MDFIC: variants seen among roughly 807,000 people sequenced by gnomAD.
MDFIC encodes MyoD family inhibitor domain containing.
A neutral mutation model predicts 23.2 loss-of-function variants in MDFIC; 17 were observed. The observed-to-expected ratio is 0.73, with a 90% CI of 0.50 to 1.10. MDFIC has a LOEUF of 1.10. Ranked by LOEUF, MDFIC falls within the 50% of genes least tolerant of loss-of-function variation. The probability of loss-of-function intolerance (pLI) is 0.00; values close to 1 mark genes in which losing one functional copy is unlikely to be tolerated. For missense variants in MDFIC, 356 were observed against 316.6 expected (o/e 1.12, Z -0.95); for synonymous variants, 120 against 115.2 (o/e 1.04, Z -0.27).
Position 115,008,209 on chromosome 7 carries a change from C to T in MDFIC, c.494-7479C>T, listed in dbSNP as rs543448057. Among the ~76,000 whole-genome samples the T allele has an allele frequency of 5.3e-5, 8 of 151,858 alleles. No homozygotes were observed. The South Asian group carries it at 1.7e-3, about 32-fold the overall frequency. The stretch of plus-strand genomic sequence containing the variant: ...TGTCATTTAAAATATGAAAGCAACT[C>T]CCATAGGATGGAGATGGAGTCTAGG... On this transcript the variant is annotated intron_variant, in intron 4 of 4. Transcript: ENST00000393486.
At chr7:114,951,206 G>A (rs1453811372) in intron 3 of MDFIC, among the ~76,000 whole-genome samples, 1 of 149,746 alleles carries the variant, frequency 6.7e-6, no homozygotes, top group African/African-American at 2.5e-5. Flanking sequence ...AGAAAAGAAA[G>A]ACAAATGGTT....
chr7:114,946,791 A>G (rs1276096915), intron 3 of MDFIC, among the ~76,000 whole-genome samples: 1 of 152,134 alleles, frequency 6.6e-6, no homozygotes, highest in Non-Finnish European at 1.5e-5. Flanking sequence ...TTGCTGCTTG[A>G]AACCTTTCTC....
Position 114,923,671 on chromosome 7 carries a change from G to C in MDFIC, c.94+544G>C, listed in dbSNP as rs1792136320. On this transcript the variant is annotated intron_variant, in intron 2 of 4. Coordinates refer to ENST00000393486, the MANE Select transcript of MDFIC (RefSeq NM_001166345.3). ...TTTATAAGAAACACTTTCCAAGAAT[G>C]AATTAGCTTCTTTGTGTTCTTCCAA... 3 of 1,410,646 alleles carry C rather than the reference G, an allele frequency of 2.1e-6. No homozygotes were observed. The African/African-American group carries it at 4.3e-5, about 20-fold the overall frequency. The allele number at this position is 1,410,646 out of a possible 1,614,324, so 87.4% of individuals were successfully genotyped here. A position where few individuals can be genotyped will look rare whatever the true frequency, so the allele number is the denominator to read the frequency against.
chr7:114,935,810 C>T (rs909776415), intron 2 of MDFIC, among the ~76,000 whole-genome samples: 1 of 151,988 alleles, frequency 6.6e-6, no homozygotes, highest in African/African-American at 2.4e-5. Flanking sequence ...TACAGCTACT[C>T]AGAGGAAACA....
Position 115,016,043 on chromosome 7 carries a change from T to A in MDFIC, c.*108T>A. 1 of 1,117,218 alleles carries A rather than the reference T, an allele frequency of 9.0e-7. No homozygotes were observed. The highest frequency in any genetic ancestry group is 1.3e-6 in the Non-Finnish European group (1 of 784,904). 69.2% of individuals were successfully genotyped at this position (1,117,218 alleles called of 1,614,324 possible). The stretch of plus-strand genomic sequence containing the variant: ...TCATGAAACAACATGGAATTTGCAC[T>A]GTTAACTCATTATTGTAAGTAATCT... On this transcript the variant is annotated 3_prime_UTR_variant, in exon 5 of 5. Coordinates refer to ENST00000393486, the MANE Select transcript of MDFIC (RefSeq NM_001166345.3).
intron 2 of MDFIC, among the ~76,000 whole-genome samples, chr7:114,936,322 G>A (rs780881327): frequency 5.9e-5 from 9 of 152,168 alleles, no homozygotes; most frequent in Non-Finnish European, 8.8e-5. Context: ...TTGGAAAACT[G>A]TGGCATGTAC....
chr7:114,960,519 T>C (rs965089904), intron 3 of MDFIC, among the ~76,000 whole-genome samples: 1 of 152,142 alleles, frequency 6.6e-6, no homozygotes, highest in African/African-American at 2.4e-5. Flanking sequence ...AAGGGATTTC[T>C]ACATATGAGG....
At chr7:114,945,795 A>G (rs1307534751) in intron 3 of MDFIC, among the ~76,000 whole-genome samples, 1 of 152,210 alleles carries the variant, frequency 6.6e-6, no homozygotes, top group Non-Finnish European at 1.5e-5. Context: ...GTTTTATGAA[A>G]AAAGTTTATA....
In MDFIC at chr7:114,934,530, C is replaced by T. The variant is rs548802654; in HGVS notation, c.95-7745C>T. ...CTCCATTCCTTTCACCTATCCCAAA[C>T]CTATAAAGTGATTGAGTCAGTATCA... On this transcript the variant is annotated intron_variant, in intron 2 of 4. Transcript: ENST00000393486. Among the ~76,000 whole-genome samples, 3 of 152,264 alleles carry T rather than the reference C, an allele frequency of 2.0e-5. No individual in the cohort carries two copies. In the South Asian group the frequency reaches 6.2e-4, roughly 32 times the overall value.
intron 4 of MDFIC, among the ~76,000 whole-genome samples, chr7:114,985,157 C>G (rs1039045511): frequency 1.3e-5 from 2 of 152,150 alleles, no homozygotes; most frequent in African/African-American, 2.4e-5. Context: ...TACTTAGCCT[C>G]TTTTTGCATC....
intron 4 of MDFIC, among the ~76,000 whole-genome samples, chr7:114,997,419 T>A (rs938764281): frequency 1.1e-4 from 16 of 151,434 alleles, no homozygotes; most frequent in Middle Eastern, 3.2e-3. Context: ...TGTGTGTGTG[T>A]GTGTGTGCGC....
chr7:114,926,514 C>T (rs921729161), intron 2 of MDFIC, among the ~76,000 whole-genome samples: 4 of 152,142 alleles, frequency 2.6e-5, no homozygotes, highest in Admixed American at 6.5e-5. Context: ...CCCCAACCCC[C>T]CAAGACATTG....
At chr7:115,008,986 T>C (rs1791626669) in intron 4 of MDFIC, among the ~76,000 whole-genome samples, 1 of 152,188 alleles carries the variant, frequency 6.6e-6, no homozygotes, top group Non-Finnish European at 1.5e-5. Context: ...TCTGTGGCGT[T>C]GATGTTAAAG....
At chr7:114,933,109 G>A (rs892025928) in intron 2 of MDFIC, among the ~76,000 whole-genome samples, 1 of 152,136 alleles carries the variant, frequency 6.6e-6, no homozygotes, top group Admixed American at 6.5e-5. Flanking sequence ...GACTAAAAAT[G>A]TTCTTCATAA....
intron 2 of MDFIC, among the ~76,000 whole-genome samples, chr7:114,938,979 T>C (rs560580847): frequency 1.3e-5 from 2 of 152,328 alleles, no homozygotes; most frequent in South Asian, 2.1e-4. Flanking sequence ...ACTCAACCAA[T>C]TGAAAGCTTT....
At chr7:114,924,325 T>C (rs1195663631) in intron 2 of MDFIC, among the ~76,000 whole-genome samples, 3 of 152,234 alleles carry the variant, frequency 2.0e-5, no homozygotes, top group Admixed American at 1.3e-4. Context: ...TATCGACTCA[T>C]TGATGGGCTG....
At chr7:115,007,619 TGC>T (rs1791595020) in intron 4 of MDFIC, among the ~76,000 whole-genome samples, 1 of 93,776 alleles carries the variant, frequency 1.1e-5, no homozygotes, top group African/African-American at 4.0e-5. Flanking sequence ...CTATCTAGTG[TGC>T]GTGTGTGTGT....
At chr7:114,997,779 A>AAAAGAAAGAAAAAGAAAGAAAGAGAAAG (rs1791367901) in intron 4 of MDFIC, among the ~76,000 whole-genome samples, 1 of 151,404 alleles carries the variant, frequency 6.6e-6, no homozygotes, top group African/African-American at 2.4e-5. Flanking sequence ...AAAAGAAAAG[A>AAAAGAAAGAAAAAGAAAGAAAGAGAAAG]AAAGAAAGAA....
At chr7:114,951,978 G>A (rs1477802284) in intron 3 of MDFIC, among the ~76,000 whole-genome samples, 2 of 152,152 alleles carry the variant, frequency 1.3e-5, no homozygotes, top group Admixed American at 1.3e-4. Flanking sequence ...AGCCAGGCAC[G>A]GGGGTCCTTC....
Sources: allele counts gnomAD v4.1 joint callset (sites outside exome capture counted in the v4.1 genomes callset), GRCh38; gene constraint gnomAD v4.1.1; transcripts MANE v1.5; gene names NCBI Gene and HGNC (gene_info 2026-07-23, HGNC 2026-07-21).